Variants in TMEM51 observed in about 807,000 individuals in gnomAD.
TMEM51 encodes the protein transmembrane protein 51.
TMEM51 carries 8 observed loss-of-function variants against 13.6 expected under a neutral mutation model. That is an observed-to-expected ratio of 0.59 (90% CI 0.35 to 1.07). The LOEUF (loss-of-function observed/expected upper bound fraction) is 1.07. Ranked by LOEUF, TMEM51 falls within the 50% of genes least tolerant of loss-of-function variation. The pLI is 0.02. For missense variants in TMEM51, 279 were observed against 330.7 expected (o/e 0.84, Z 1.21); for synonymous variants, 147 against 144.4 (o/e 1.02, Z -0.13).
chr1:15,174,865 C>G (rs551367129), intron 1 of TMEM51, among the ~76,000 whole-genome samples: 2 of 152,136 alleles, frequency 1.3e-5, no homozygotes, highest in Non-Finnish European at 2.9e-5. Flanking sequence ...TATAAGGGCA[C>G]TAATCCCATT....
At chr1:15,200,311 G>A (rs1644128874) in intron 1 of TMEM51, among the ~76,000 whole-genome samples, 1 of 149,726 alleles carries the variant, frequency 6.7e-6, no homozygotes, top group Non-Finnish European at 1.5e-5. Flanking sequence ...AGAAGGCTAA[G>A]GCAGAAGGAT....
At chr1:15,179,134 G>A (rs1039334109) in intron 1 of TMEM51, among the ~76,000 whole-genome samples, 2 of 144,344 alleles carry the variant, frequency 1.4e-5, no homozygotes, top group East Asian at 4.4e-4. Context: ...CTGGGGAATC[G>A]CACCCCAACT....
chr1:15,164,190 A>G (rs1005631763), intron 1 of TMEM51, among the ~76,000 whole-genome samples: 2 of 152,072 alleles, frequency 1.3e-5, no homozygotes, highest in African/African-American at 4.8e-5. Context: ...TGACATCACA[A>G]CTAACTAAAC....
chr1:15,196,964 C>G (rs891320881), intron 1 of TMEM51, among the ~76,000 whole-genome samples: 7 of 152,150 alleles, frequency 4.6e-5, no homozygotes, highest in Admixed American at 3.9e-4. Context: ...TATCACTCAG[C>G]CCTCCAGGGT....
intron 1 of TMEM51, among the ~76,000 whole-genome samples, chr1:15,194,626 C>A (rs1000421341): frequency 1.1e-4 from 16 of 152,316 alleles, no homozygotes; most frequent in Admixed American, 8.5e-4. Flanking sequence ...CCCTACACAG[C>A]CGCTTCCTAT....
chr1:15,195,404 C>T (rs1016204002), intron 1 of TMEM51, among the ~76,000 whole-genome samples: 13 of 152,010 alleles, frequency 8.6e-5, no homozygotes, highest in Admixed American at 2.6e-4. Flanking sequence ...CCTGATAAGC[C>T]TTGGCAATCT....
chr1:15,205,875 C>T (rs1047638421), intron 1 of TMEM51, among the ~76,000 whole-genome samples: 1 of 152,082 alleles, frequency 6.6e-6, no homozygotes, highest in African/African-American at 2.4e-5. Context: ...TCTCGGTATC[C>T]CCCAAAGCTC....
Position 15,219,653 on chromosome 1 carries a change from C to A in TMEM51, c.672C>A (p.Asn224Lys). 1 of 1,614,044 alleles carries A rather than the reference C, an allele frequency of 6.2e-7. No homozygotes were observed. Among genetic ancestry groups the A allele is most frequent in the Non-Finnish European group, 8.5e-7 (1 of 1,180,046 alleles). The change falls in exon 4 of 4, where the codon AAC becomes AAA. Residue 224 changes from asparagine to lysine, a missense_variant. Asn to Lys is a moderately conservative substitution (Grantham distance 94, BLOSUM62 0). Coordinates refer to ENST00000376008, the MANE Select transcript of TMEM51 (RefSeq NM_001136218.2). ...TTAGGATCAACCTCCCAGACAAAAA[C>A]GTCCCTCCTCCCTCGATAGAGCCTT... ...KDFRINLPDK[N>K]VPPPSIEPLT...
chr1:15,178,903 T>G (rs1398152241), intron 1 of TMEM51, among the ~76,000 whole-genome samples: 1 of 152,190 alleles, frequency 6.6e-6, no homozygotes, highest in African/African-American at 2.4e-5. Context: ...GAACTTTCCT[T>G]GTGTTATCTC....
chr1:15,171,762 G>A (rs1228747863), intron 1 of TMEM51, among the ~76,000 whole-genome samples: 2 of 152,148 alleles, frequency 1.3e-5, no homozygotes, highest in Non-Finnish European at 2.9e-5. Flanking sequence ...AACCAAGCCC[G>A]CACAGCAGGA....
intron 1 of TMEM51, among the ~76,000 whole-genome samples, chr1:15,181,947 G>A (rs1408950131): frequency 2.0e-5 from 3 of 152,054 alleles, no homozygotes; most frequent in Admixed American, 6.5e-5. Flanking sequence ...GATTATCTGA[G>A]GCCAGGAGTT....
chr1:15,182,599 A>C (rs1037567140), intron 1 of TMEM51, among the ~76,000 whole-genome samples: 2 of 152,230 alleles, frequency 1.3e-5, no homozygotes, highest in Admixed American at 6.5e-5. Flanking sequence ...ATTGTCCTGC[A>C]TATTAAATTC....
intron 1 of TMEM51, among the ~76,000 whole-genome samples, chr1:15,193,795 G>A (rs1022573932): frequency 3.3e-5 from 5 of 152,186 alleles, no homozygotes; most frequent in Non-Finnish European, 7.3e-5. Context: ...GACCTCAGGT[G>A]ATCCAACTGC....
intron 1 of TMEM51, among the ~76,000 whole-genome samples, chr1:15,170,453 T>A (rs547646485): frequency 6.7e-6 from 1 of 149,152 alleles, no homozygotes; most frequent in South Asian, 2.1e-4. Flanking sequence ...GGATTACAGG[T>A]GCGCACCACC....
intron 1 of TMEM51, among the ~76,000 whole-genome samples, chr1:15,206,129 C>G (rs1342560785): frequency 3.3e-5 from 5 of 150,986 alleles, no homozygotes; most frequent in African/African-American, 1.2e-4. Flanking sequence ...CCCAGCTCCT[C>G]GGGGGCCGAG....
chr1:15,170,739 C>CT (rs1266906244), intron 1 of TMEM51, among the ~76,000 whole-genome samples: 1 of 152,008 alleles, frequency 6.6e-6, no homozygotes, highest in African/African-American at 2.4e-5. Context: ...GGCAGGTTTT[C>CT]TTTTTTTGAG....
chr1:15,178,360 T>G (rs1557839695), intron 1 of TMEM51, among the ~76,000 whole-genome samples: 1 of 152,166 alleles, frequency 6.6e-6, no homozygotes, highest in African/African-American at 2.4e-5. Flanking sequence ...AGAGTCCTCT[T>G]GGGTCCACAC....
chr1:15,176,683 G>A (rs1643466193), intron 1 of TMEM51, among the ~76,000 whole-genome samples: 1 of 152,228 alleles, frequency 6.6e-6, no homozygotes, highest in Non-Finnish European at 1.5e-5. Context: ...CTGGTACAGG[G>A]CCCTGCACAA....
intron 1 of TMEM51, among the ~76,000 whole-genome samples, chr1:15,206,034 C>T (rs1365284302): frequency 2.0e-5 from 3 of 152,054 alleles, no homozygotes; most frequent in African/African-American, 4.8e-5. Flanking sequence ...CCCAGGAAAT[C>T]GAGACCAGCC....
Sources: allele counts gnomAD v4.1 joint callset (sites outside exome capture counted in the v4.1 genomes callset), GRCh38; gene constraint gnomAD v4.1.1; transcripts MANE v1.5; gene names NCBI Gene and HGNC (gene_info 2026-07-23, HGNC 2026-07-21).